Variants in C1orf159 observed in about 807,000 individuals in gnomAD.
C1orf159 encodes uncharacterized protein C1orf159.
Under a neutral mutation model 25.6 loss-of-function variants are expected in C1orf159, and 19 were observed. That is an observed-to-expected ratio of 0.74 (90% CI 0.52 to 1.09). The LOEUF (loss-of-function observed/expected upper bound fraction) is 1.09. Ranked by LOEUF, C1orf159 falls within the 50% of genes least tolerant of loss-of-function variation. The probability of loss-of-function intolerance (pLI) is 0.00; values close to 1 mark genes in which losing one functional copy is unlikely to be tolerated. For missense variants in C1orf159, 274 were observed against 290.6 expected, an observed-to-expected ratio of 0.94 and a Z score of 0.42; for synonymous variants, 139 against 124.7, an observed-to-expected ratio of 1.12 and a Z score of -0.77.
At chr1:1,098,373 C>T (rs566079544) in intron 1 of C1orf159, among the ~76,000 whole-genome samples, 3 of 152,234 alleles carry the variant, frequency 2.0e-5, no homozygotes, top group Admixed American at 1.3e-4. Context: ...CTGGCCCCAG[C>T]CTGGAAATAT....
intron 1 of C1orf159, among the ~76,000 whole-genome samples, chr1:1,093,299 A>C (rs1342804906): frequency 1.3e-5 from 2 of 152,218 alleles, no homozygotes; most frequent in Non-Finnish European, 2.9e-5. Context: ...AAGTCACAAA[A>C]CATCATTTTG....
Position 1,082,569 on chromosome 1 carries a change from C to G in C1orf159, c.*324G>C. On this transcript the variant is annotated 3_prime_UTR_variant, in exon 10 of 10. Transcript: ENST00000421241. ...GCAGAGCGGCACCTGCCCCATAGAT[C>G]GTGCCAGCTTTGGCTGCAGGCGCTG... 1 of 392,974 alleles carries G rather than the reference C, an allele frequency of 2.5e-6. No homozygotes were observed. Among genetic ancestry groups the G allele is most frequent in the Non-Finnish European group, 4.7e-6 (1 of 210,600 alleles). 24.3% of individuals were successfully genotyped at this position (392,974 alleles called of 1,614,324 possible).
chr1:1,095,502 T>C (rs1298453774), intron 1 of C1orf159, among the ~76,000 whole-genome samples: 3 of 152,252 alleles, frequency 2.0e-5, no homozygotes, highest in African/African-American at 7.2e-5. Context: ...ACGATAAACT[T>C]TGCACCTTAG....
intron 1 of C1orf159, among the ~76,000 whole-genome samples, chr1:1,093,052 T>C (rs1264626267): frequency 6.6e-6 from 1 of 150,964 alleles, no homozygotes; most frequent in Non-Finnish European, 1.5e-5. Flanking sequence ...AAAAAAAGCA[T>C]GCTCTCCTCT....
chr1:1,113,431 G>A (rs915602423), intron 1 of C1orf159, among the ~76,000 whole-genome samples: 3 of 152,118 alleles, frequency 2.0e-5, no homozygotes, highest in African/African-American at 7.2e-5. Context: ...TTTTCTTTGT[G>A]AAACAGGCTG....
chr1:1,096,783 G>A lies in C1orf159; in HGVS notation c.-135-4680C>T, dbSNP rs181574674. Among the ~76,000 whole-genome samples the A allele has an allele frequency of 1.9e-4, 29 of 152,174 alleles. No homozygotes were observed. The East Asian group carries it at 5.6e-3, about 30-fold the overall frequency. ...TCTGTCACCCAGGCTGGAGCAAAGTGGTGTGACCTCAGCTCACCACAGCCT... is the reference window on the plus strand; with the variant it reads ...TCTGTCACCCAGGCTGGAGCAAAGTAGTGTGACCTCAGCTCACCACAGCCT... On this transcript the variant is annotated intron_variant, in intron 1 of 9. Transcript: ENST00000421241.
rs771241899 is a variant in C1orf159 at position 1,091,538 on chromosome 1, C to T, written c.6G>A (p.Ala2=). 7.7e-6 allele frequency: 12 copies of T among 1,549,130 alleles called. No homozygotes were observed. Among genetic ancestry groups the T allele is most frequent in the East Asian group, 7.3e-5 (3 of 40,884 alleles). The change falls in exon 3 of 10, where the codon GCG becomes GCA. Residue 2 remains alanine (A), a synonymous_variant. Coordinates refer to ENST00000421241, the MANE Select transcript of C1orf159 (RefSeq NM_017891.5). M[A]LRHLALLAGL... ...CAGCCAGGAGGGCGAGGTGCCGCAG[C>T]GCCATGCCAGGAGCAGATGCGCAGA...
chr1:1,101,596 A>G (rs977667849), intron 1 of C1orf159, among the ~76,000 whole-genome samples: 6 of 151,810 alleles, frequency 4.0e-5, no homozygotes, highest in African/African-American at 1.5e-4. Context: ...ACATCTATCA[A>G]TCAGCTCAGT....
intron 1 of C1orf159, among the ~76,000 whole-genome samples, chr1:1,094,733 A>C (rs1179018979): frequency 6.6e-6 from 1 of 152,124 alleles, no homozygotes; most frequent in Non-Finnish European, 1.5e-5. Flanking sequence ...ACATCTTTTG[A>C]AGAGCAAATG....
rs181373740 is a variant in C1orf159 at position 1,112,044 on chromosome 1, G to A, written c.-136+4016C>T. On this transcript the variant is annotated intron_variant, in intron 1 of 9. Transcript: ENST00000421241. ...AGCACACCGGAGTCGGGCGGTTGCC[G>A]TAGGTGGCTCAGCAGACGTGAGCAG... Among the ~76,000 whole-genome samples, 135 of 152,346 alleles carry A rather than the reference G, an allele frequency of 8.9e-4. 1 individual carries two copies. In the Middle Eastern group the frequency reaches 0.017, roughly 19 times the overall value.
In C1orf159 at chr1:1,089,378, C is replaced by T. The variant is rs1245239490; in HGVS notation, c.148+975G>A. On this transcript the variant is annotated intron_variant, in intron 4 of 9. Coordinates refer to ENST00000421241, the MANE Select transcript of C1orf159 (RefSeq NM_017891.5). The surrounding 1 kb of genome is among the most constrained non-coding windows in gnomAD (Gnocchi z 7.5). ...GGGTGCCAGGGGAGTGGTTCTCACCCAGCCACCAGGGCTTCAGCATCAGAC... is the reference window on the plus strand; with the variant it reads ...GGGTGCCAGGGGAGTGGTTCTCACCTAGCCACCAGGGCTTCAGCATCAGAC... Among the ~76,000 whole-genome samples the T allele has an allele frequency of 6.6e-6, 1 of 152,168 alleles. No homozygotes were observed. Among genetic ancestry groups the T allele is most frequent in the African/African-American group, 2.4e-5 (1 of 41,442 alleles).
In C1orf159 at chr1:1,110,662, C is replaced by T. The variant is rs1233062227; in HGVS notation, c.-136+5398G>A. ...TTCCACACCTGGGATGCAGCCTTCCCCCCGGGCACGTTCCCAAGAGAAACA... is the reference window on the plus strand; with the variant it reads ...TTCCACACCTGGGATGCAGCCTTCCTCCCGGGCACGTTCCCAAGAGAAACA... On this transcript the variant is annotated intron_variant, in intron 1 of 9. Transcript: ENST00000421241. This position sits in a 1 kb window ranked among gnomAD's most constrained non-coding sequence, Gnocchi z 4.8. Among the ~76,000 whole-genome samples the T allele has an allele frequency of 3.9e-5, 6 of 152,086 alleles. No homozygotes were observed. In the East Asian group the frequency reaches 1.2e-3, roughly 29 times the overall value.
intron 1 of C1orf159, among the ~76,000 whole-genome samples, chr1:1,097,498 A>C (rs1646023976): frequency 6.6e-6 from 1 of 151,616 alleles, no homozygotes; most frequent in Non-Finnish European, 1.5e-5. Context: ...CTGCAGCCTC[A>C]ACCTCCTGGG....
intron 1 of C1orf159, among the ~76,000 whole-genome samples, chr1:1,112,506 A>C (rs1342581311): frequency 6.6e-6 from 1 of 151,830 alleles, no homozygotes; most frequent in Non-Finnish European, 1.5e-5. Flanking sequence ...CAGTGAACAC[A>C]CGGCACATGC....
chr1:1,094,693 C>A (rs1321521390), intron 1 of C1orf159, among the ~76,000 whole-genome samples: 3 of 152,214 alleles, frequency 2.0e-5, no homozygotes, highest in Non-Finnish European at 4.4e-5. Context: ...AGCCACCTTG[C>A]CCGGCCCCCG....
chr1:1,087,378 C>A lies in C1orf159; in HGVS notation c.244+124G>T. On this transcript the variant is annotated intron_variant, in intron 5 of 9. Transcript: ENST00000421241. This position sits in a 1 kb window ranked among gnomAD's most constrained non-coding sequence, Gnocchi z 8.3. ...CCAGCAGACTCGGGAAGAGGGGGCT[C>A]CCGGGGCTGTTCCCCAGTGGACAGT... is the stretch of plus-strand genomic sequence containing the variant. 8.4e-7 allele frequency: 1 copy of A among 1,186,578 alleles called. No individual in the cohort carries two copies. Among genetic ancestry groups the A allele is most frequent in the Non-Finnish European group, 1.2e-6 (1 of 856,258 alleles). The allele number at this position is 1,186,578 out of a possible 1,614,324, so 73.5% of individuals were successfully genotyped here. A position where few individuals can be genotyped will look rare whatever the true frequency, so the allele number is the denominator to read the frequency against.
chr1:1,107,456 G>A (rs1247725937), intron 1 of C1orf159, among the ~76,000 whole-genome samples: 1 of 152,208 alleles, frequency 6.6e-6, no homozygotes, highest in Non-Finnish European at 1.5e-5. Context: ...TCAGCACCTT[G>A]TGTCTAGCTC....
At chr1:1,108,138 T>C (rs1646201813) in intron 1 of C1orf159, among the ~76,000 whole-genome samples, 1 of 144,168 alleles carries the variant, frequency 6.9e-6, no homozygotes, top group Non-Finnish European at 1.5e-5. Context: ...CCACCATGTC[T>C]CAGCAGCACC....
rs147971592 is a variant in C1orf159 at position 1,113,852 on chromosome 1, G to A, written c.-136+2208C>T. ...GGCCGTCCACCCGCACAGCGGCTGCGGGCACTTGGGAGGGAGCATGCACAG... is the reference window on the plus strand; with the variant it reads ...GGCCGTCCACCCGCACAGCGGCTGCAGGCACTTGGGAGGGAGCATGCACAG... On this transcript the variant is annotated intron_variant, in intron 1 of 9. Transcript: ENST00000421241. 5.9e-3 allele frequency among the ~76,000 whole-genome samples: 904 copies of A among 152,238 alleles called. 7 individuals are homozygous for A. The Middle Eastern group carries it at 0.099, about 17-fold the overall frequency.
Sources: gnomAD v4.1 joint callset for allele counts (sites outside exome capture counted in the v4.1 genomes callset) on GRCh38, gnomAD v4.1.1 for gene constraint, Gnocchi (gnomAD v3.1) non-coding constraint, MANE v1.5 for transcripts, NCBI Gene and HGNC (gene_info 2026-07-23, HGNC 2026-07-21) for gene names.